FRMD3: variants seen among roughly 807,000 people sequenced by gnomAD.
FRMD3 encodes FERM domain containing 3.
Under a neutral mutation model 70.2 loss-of-function variants are expected in FRMD3, and 33 were observed. That is an observed-to-expected ratio of 0.47 (90% CI 0.36 to 0.63). FRMD3 has a LOEUF of 0.63. FRMD3 is among the 20% of genes least tolerant of loss of function. The pLI is 0.00. For synonymous variants in FRMD3, 279 were observed against 255.9 expected (o/e 1.09, Z -0.86); for missense variants, 632 against 711.4 (o/e 0.89, Z 1.27).
intron 1 of FRMD3, among the ~76,000 whole-genome samples, chr9:83,494,871 G>A (rs907532854): frequency 1.2e-4 from 17 of 142,670 alleles, no homozygotes; most frequent in African/African-American, 4.2e-4. Flanking sequence ...GCGCGCGCAT[G>A]TGCGTGTGTA....
intron 5 of FRMD3, 38 bp downstream of exon 5, chr9:83,343,152 G>A (rs1195750155): frequency 7.1e-7 from 1 of 1,402,174 alleles, no homozygotes; most frequent in Admixed American, 1.7e-5. Context: ...GAGCTCCACA[G>A]TGCAAAGGTG....
intron 10 of FRMD3, among the ~76,000 whole-genome samples, chr9:83,302,019 T>C (rs1834947929): frequency 1.3e-5 from 2 of 152,168 alleles, no homozygotes; most frequent in African/African-American, 4.8e-5. Context: ...ATGTTTCAGC[T>C]GAGATTTTTA....
chr9:83,390,002 G>A (rs892984275), intron 1 of FRMD3, among the ~76,000 whole-genome samples: 1 of 152,120 alleles, frequency 6.6e-6, no homozygotes, highest in African/African-American at 2.4e-5. Flanking sequence ...TGCTATTTAT[G>A]ACTCAGAGTA....
At position 83,339,021 on chromosome 9, in the gene FRMD3, A is replaced by G. The variant is rs925822462; in HGVS notation, c.473-3382T>C. ...AAGGTGATGGGACAATGGACCACCA[A>G]TATGAAACTGGGTCATCTTCAATGC... On this transcript the variant is annotated intron_variant, in intron 5 of 13. Coordinates refer to ENST00000304195, the MANE Select transcript of FRMD3 (RefSeq NM_174938.6). Among the ~76,000 whole-genome samples, 12 of 152,188 alleles carry G rather than the reference A, an allele frequency of 7.9e-5. 1 individual carries two copies. The highest frequency in any genetic ancestry group is 2.9e-4 in the African/African-American group (12 of 41,444).
chr9:83,318,942 T>C (rs1835692527), intron 6 of FRMD3, among the ~76,000 whole-genome samples: 1 of 152,166 alleles, frequency 6.6e-6, no homozygotes, highest in South Asian at 2.1e-4. Context: ...CACTTGGATG[T>C]CTTCTTTTGA....
At chr9:83,511,391 C>T (rs1829336105) in intron 1 of FRMD3, among the ~76,000 whole-genome samples, 1 of 152,154 alleles carries the variant, frequency 6.6e-6, no homozygotes, top group Non-Finnish European at 1.5e-5. Context: ...GCCCAGGGTG[C>T]TTGTTAGGCC....
chr9:83,425,370 T>A (rs1438828957), intron 1 of FRMD3, among the ~76,000 whole-genome samples: 1 of 152,104 alleles, frequency 6.6e-6, no homozygotes, highest in East Asian at 1.9e-4. Context: ...CCAAGCAACC[T>A]GGCTGAAAAG....
intron 2 of FRMD3, among the ~76,000 whole-genome samples, chr9:83,388,942 C>CTTTTTTT (rs554000690): frequency 2.6e-5 from 3 of 117,184 alleles, no homozygotes; most frequent in African/African-American, 7.4e-5. Flanking sequence ...CTACCAATAG[C>CTTTTTTT]TTTTTTTTTT....
intron 1 of FRMD3, among the ~76,000 whole-genome samples, chr9:83,500,464 G>C (rs1053183464): frequency 6.7e-6 from 1 of 148,722 alleles, no homozygotes; most frequent in African/African-American, 2.5e-5. Context: ...CATATTTCAG[G>C]GCTATAAGCC....
chr9:83,561,593 G>C, the FRMD3 span, among the ~76,000 whole-genome samples: 2 of 152,184 alleles, frequency 1.3e-5, no homozygotes, highest in East Asian at 3.8e-4. Flanking sequence ...TCACATGTCA[G>C]CTTCCATTCA....
chr9:83,531,037 C>T (rs1394937064), intron 1 of FRMD3, among the ~76,000 whole-genome samples: 2 of 152,136 alleles, frequency 1.3e-5, no homozygotes, highest in Admixed American at 1.3e-4. Context: ...TGACTGCACA[C>T]TTCTGTTTGG....
upstream of FRMD3, among the ~76,000 whole-genome samples, chr9:83,543,001 CAT>C (rs1830016180): frequency 6.6e-6 from 1 of 151,934 alleles, no homozygotes; most frequent in Non-Finnish European, 1.5e-5. Flanking sequence ...TAGGAGATAA[CAT>C]GAGGGAAAAT....
chr9:83,336,649 T>A (rs1304220559), intron 5 of FRMD3, among the ~76,000 whole-genome samples: 1 of 148,448 alleles, frequency 6.7e-6, no homozygotes, highest in African/African-American at 2.5e-5. Flanking sequence ...TGGAGTCTAA[T>A]GAGAAATAAA....
the FRMD3 span, among the ~76,000 whole-genome samples, chr9:83,555,671 T>C: frequency 2.0e-5 from 3 of 152,302 alleles, no homozygotes; most frequent in East Asian, 5.8e-4. Context: ...TCAGCCTCTT[T>C]CCTATGGGTA....
At chr9:83,508,923 C>A (rs1434141947) in intron 1 of FRMD3, among the ~76,000 whole-genome samples, 1 of 152,082 alleles carries the variant, frequency 6.6e-6, no homozygotes. Flanking sequence ...CTTGCCAACC[C>A]CTGCTCCAAT....
At chr9:83,577,385 A>G in the FRMD3 span, among the ~76,000 whole-genome samples, 3 of 152,060 alleles carry the variant, frequency 2.0e-5, no homozygotes, top group African/African-American at 4.8e-5. Context: ...AATAGAATCA[A>G]AGTTCACATA....
At chr9:83,488,656 G>A (rs113116680) in intron 1 of FRMD3, among the ~76,000 whole-genome samples, 8 of 152,210 alleles carry the variant, frequency 5.3e-5, no homozygotes, top group African/African-American at 1.9e-4. Context: ...AAAGACCTCC[G>A]TGGCTAATCA....
Position 83,357,275 on chromosome 9 carries a change from A to G in FRMD3, c.296-7518T>C, listed in dbSNP as rs1824421910. 4.6e-5 allele frequency among the ~76,000 whole-genome samples: 3 copies of G among 64,850 alleles called. 1 individual carries two copies. Among genetic ancestry groups the G allele is most frequent in the Non-Finnish European group, 8.2e-5 (3 of 36,708 alleles). The allele number at this position is 64,850 out of a possible 152,430, so 42.5% of individuals were successfully genotyped here. A position where few individuals can be genotyped will look rare whatever the true frequency, so the allele number is the denominator to read the frequency against. ...TATATATATATATATATATATATAT[A>G]TATATATATATATATATATATAAAA... On this transcript the variant is annotated intron_variant, in intron 3 of 13. Transcript: ENST00000304195.
intron 6 of FRMD3, among the ~76,000 whole-genome samples, chr9:83,323,671 A>G (rs1439479280): frequency 1.3e-5 from 2 of 152,240 alleles, no homozygotes; most frequent in Admixed American, 6.5e-5. Flanking sequence ...TGTAAAAAAT[A>G]AATTTCTTTT....
Sources: allele counts gnomAD v4.1 joint callset (sites outside exome capture counted in the v4.1 genomes callset), GRCh38; gene constraint gnomAD v4.1.1; transcripts MANE v1.5; gene names NCBI Gene and HGNC (gene_info 2026-07-23, HGNC 2026-07-21).